Variants in ALX4 observed in about 807,000 individuals in gnomAD.
ALX4 encodes ALX homeobox 4, also known as homeobox protein aristaless-like 4.
A neutral mutation model predicts 40.6 loss-of-function variants in ALX4; 22 were observed. That is an observed-to-expected ratio of 0.54 (90% confidence interval 0.39 to 0.77). The LOEUF (loss-of-function observed/expected upper bound fraction) is 0.77. Ranked by LOEUF, ALX4 falls within the 30% of genes least tolerant of loss-of-function variation. The pLI is 0.00. For synonymous variants in ALX4, 266 were observed against 240.5 expected, an observed-to-expected ratio of 1.11 and a Z score of -0.98; for missense variants, 556 against 564.8, an observed-to-expected ratio of 0.98 and a Z score of 0.16.
intron 1 of ALX4, among the ~76,000 whole-genome samples, chr11:44,293,663 A>G (rs1161750532): frequency 6.6e-6 from 1 of 152,238 alleles, no homozygotes; most frequent in African/African-American, 2.4e-5. Flanking sequence ...GCTTGGGCAC[A>G]TACATTCCCT....
At chr11:44,285,926 TGTGA>T (rs1956336175) in intron 1 of ALX4, among the ~76,000 whole-genome samples, 2 of 152,112 alleles carry the variant, frequency 1.3e-5, no homozygotes, top group Non-Finnish European at 1.5e-5. Flanking sequence ...CTGGGCCTCG[TGTGA>T]GTAAGGGCTC....
At chr11:44,301,154 A>G (rs750704871) in intron 1 of ALX4, among the ~76,000 whole-genome samples, 3 of 152,246 alleles carry the variant, frequency 2.0e-5, no homozygotes, top group Admixed American at 6.5e-5. Context: ...CGTAAATGGA[A>G]TCAAGCCTCT....
chr11:44,303,737 C>T (rs1956449288), intron 1 of ALX4, among the ~76,000 whole-genome samples: 2 of 152,212 alleles, frequency 1.3e-5, no homozygotes, highest in South Asian at 4.1e-4. Flanking sequence ...GGGGCCAGGG[C>T]CGGTGCAACT....
At chr11:44,271,314 G>C (rs59444875) in intron 2 of ALX4, among the ~76,000 whole-genome samples, 1 of 152,220 alleles carries the variant, frequency 6.6e-6, no homozygotes, top group Non-Finnish European at 1.5e-5. Flanking sequence ...ACTAGGCTGC[G>C]ACTCAGGAGT....
At chr11:44,309,529 G>A (rs1565013268) in intron 1 of ALX4, 68 bp downstream of exon 1, 6 of 1,529,880 alleles carry the variant, frequency 3.9e-6, no homozygotes, top group Non-Finnish European at 5.2e-6. Flanking sequence ...CAAGCCACCA[G>A]TTTCAAGGGA....
chr11:44,307,991 G>A (rs911528220), intron 1 of ALX4, among the ~76,000 whole-genome samples: 1 of 152,058 alleles, frequency 6.6e-6, no homozygotes, highest in Non-Finnish European at 1.5e-5. Context: ...TGTGTGTGGA[G>A]CCTTGGGGGT....
At chr11:44,308,220 A>G (rs980992147) in intron 1 of ALX4, among the ~76,000 whole-genome samples, 4 of 152,174 alleles carry the variant, frequency 2.6e-5, no homozygotes, top group Admixed American at 6.5e-5. Flanking sequence ...GTAGAGTGCA[A>G]TTGTAGACAA....
In ALX4 at chr11:44,305,904, A is replaced by C. The variant is rs1263978547; in HGVS notation, c.466+3693T>G. Among the ~76,000 whole-genome samples the C allele has an allele frequency of 3.9e-5, 6 of 152,400 alleles. No homozygotes were observed. The South Asian group carries it at 1.2e-3, about 32-fold the overall frequency. ...CCGCAGCGGCCCCGCGTCTCGGGAC[A>C]GGTAGACTAGGACCAGTACGCGCCG... On this transcript the variant is annotated intron_variant, in intron 1 of 3. Coordinates refer to ENST00000652299, the MANE Select transcript of ALX4 (RefSeq NM_021926.4).
chr11:44,266,283 G>A (rs1176369887), intron 3 of ALX4, among the ~76,000 whole-genome samples: 1 of 152,172 alleles, frequency 6.6e-6, no homozygotes, highest in Non-Finnish European at 1.5e-5. Context: ...CTCCAGCTGT[G>A]CGCTCAGGCA....
chr11:44,273,975 AC>A (rs1436769966), intron 2 of ALX4, among the ~76,000 whole-genome samples: 1 of 151,580 alleles, frequency 6.6e-6, no homozygotes, highest in Non-Finnish European at 1.5e-5. Flanking sequence ...AAACAAAAAT[AC>A]CCAAAAGATA....
rs1424507936 is a variant in ALX4 at position 44,309,781 on chromosome 11, C to T, written c.282G>A (p.Pro94=). ...RGSFNKFQPQ[P]STPQPQPPPQ... is the part of the protein sequence containing the mutation. ...GCGGCGGCTGGGGCTGCGGGGTCGACGGCTGGGGCTGGAACTTGTTAAAGG... is the reference window on the plus strand; with the variant it reads ...GCGGCGGCTGGGGCTGCGGGGTCGATGGCTGGGGCTGGAACTTGTTAAAGG... The change falls in exon 1 of 4, where the codon CCG becomes CCA. Residue 94 remains proline, a synonymous_variant. Transcript: ENST00000652299. The T allele has an allele frequency of 1.9e-6, 3 of 1,548,372 alleles. No individual in the cohort carries two copies. The highest frequency in any genetic ancestry group is 2.0e-5 in the Admixed American group (1 of 50,966).
At position 44,265,110 on chromosome 11, in the gene ALX4, G is replaced by A. The variant is rs372163762; in HGVS notation, c.980C>T (p.Pro327Leu). The A allele has an allele frequency of 7.8e-5, 125 of 1,612,156 alleles. No individual in the cohort carries two copies. The highest frequency in any genetic ancestry group is 8.4e-5 in the Non-Finnish European group (99 of 1,179,482). ...PVPACVVPCD[P>L]VPACMSPHAH... ...ATGAGGGGACATGCAGGCAGGCACC[G>A]GGTCGCAGGGGACCACGCAGGCTGG... Residue 327 changes from proline to leucine, a missense_variant, in exon 4 of 4, where the codon CCG becomes CTG. Coordinates refer to ENST00000652299, the MANE Select transcript of ALX4 (RefSeq NM_021926.4).
intron 1 of ALX4, among the ~76,000 whole-genome samples, chr11:44,279,758 CTA>C: frequency 6.6e-6 from 1 of 152,274 alleles, no homozygotes; most frequent in South Asian, 2.1e-4. Flanking sequence ...CACTGACTGC[CTA>C]TGTTTGCTGA....
chr11:44,309,162 C>CCCCGCTGT (rs1956488222), intron 1 of ALX4, among the ~76,000 whole-genome samples: 2 of 122,350 alleles, frequency 1.6e-5, no homozygotes, highest in Admixed American at 8.0e-5. Context: ...TGTCCCGCAG[C>CCCCGCTGT]CCCGCAGCCC....
In ALX4 at chr11:44,309,877, G is replaced by T. The variant is rs371338431; in HGVS notation, c.186C>A (p.Ser62Arg). The change falls in exon 1 of 4, where the codon AGC (serine) becomes AGA (arginine). Residue 62 changes from serine (S) to arginine (R), a missense_variant. Ser to Arg is a moderately radical substitution (Grantham distance 110). Transcript: ENST00000652299. Reference protein sequence around the residue: ...AKAQGFGDAKSRARYGAGQQD... With the variant: ...AKAQGFGDAKRRARYGAGQQD... Reference sequence around the variant, plus strand: ...GCTGCCCAGCGCCGTAACGGGCCCGGCTCTTGGCGTCCCCGAATCCCTGTG... The same window carrying T: ...GCTGCCCAGCGCCGTAACGGGCCCGTCTCTTGGCGTCCCCGAATCCCTGTG... 6.4e-7 allele frequency: 1 copy of T among 1,574,414 alleles called. No individual in the cohort carries two copies. Among genetic ancestry groups the T allele is most frequent in the Non-Finnish European group, 8.6e-7 (1 of 1,159,334 alleles).
At chr11:44,294,901 G>A (rs979375172) in intron 1 of ALX4, among the ~76,000 whole-genome samples, 1 of 151,994 alleles carries the variant, frequency 6.6e-6, no homozygotes, top group Non-Finnish European at 1.5e-5. Context: ...CCAGGCTGGA[G>A]TGCAATGGTG....
intron 1 of ALX4, among the ~76,000 whole-genome samples, chr11:44,278,060 C>T (rs1035440174): frequency 1.7e-4 from 26 of 150,812 alleles, no homozygotes; most frequent in African/African-American, 6.4e-4. Flanking sequence ...CAAAAATAAC[C>T]ATCCCTGTTT....
At chr11:44,272,007 C>A (rs1297705548) in intron 2 of ALX4, among the ~76,000 whole-genome samples, 19 of 152,236 alleles carry the variant, frequency 1.2e-4, no homozygotes, top group Admixed American at 1.2e-3. Context: ...TCTACCTACA[C>A]CTGTGGGTCC....
At chr11:44,267,043 A>C (rs1038415564) in intron 3 of ALX4, among the ~76,000 whole-genome samples, 1 of 152,224 alleles carries the variant, frequency 6.6e-6, no homozygotes, top group Non-Finnish European at 1.5e-5. Flanking sequence ...GACTTGCCTA[A>C]AGTGAGAAAG....
Sources: gnomAD v4.1 joint callset for allele counts (sites outside exome capture counted in the v4.1 genomes callset) on GRCh38, gnomAD v4.1.1 for gene constraint, MANE v1.5 for transcripts, NCBI Gene and HGNC (gene_info 2026-07-23, HGNC 2026-07-21) for gene names.